The following SH2B1 variants were observed in gnomAD, a reference collection of about 807,000 sequenced individuals.
SH2B1 encodes SH2B adapter protein 1.
SH2B1 carries 15 observed loss-of-function variants against 62.6 expected under a neutral mutation model. The observed-to-expected ratio is 0.24, with a 90% CI of 0.16 to 0.37. SH2B1 has a LOEUF of 0.37. Among genes scored for constraint, SH2B1 ranks in the 10% least tolerant of loss-of-function variants. The probability of loss-of-function intolerance (pLI) is 1.00; values close to 1 mark genes in which losing one functional copy is unlikely to be tolerated. For synonymous variants in SH2B1, 443 were observed against 438.0 expected (o/e 1.01, Z -0.14); for missense variants, 925 against 1,015.6 (o/e 0.91, Z 1.21).
At chr16:28,861,298 A>G (rs1000185540), upstream of SH2B1, among the ~76,000 whole-genome samples, 9 of 152,014 alleles carry the variant, frequency 5.9e-5, no homozygotes. Flanking sequence ...ATGTCCAGCT[A>G]ATTTTTGTAT....
chr16:28,873,997 T>G lies in SH2B1; in HGVS notation c.*177T>G. 2 of 522,730 alleles carry G rather than the reference T, an allele frequency of 3.8e-6. No individual in the cohort carries two copies. Among genetic ancestry groups the G allele is most frequent in the Non-Finnish European group, 3.0e-6 (1 of 336,310 alleles). The allele number at this position is 522,730 out of a possible 1,614,324, so 32.4% of individuals were successfully genotyped here. On this transcript the variant is annotated 3_prime_UTR_variant, in exon 8 of 8. Coordinates refer to ENST00000684370, the MANE Select transcript of SH2B1 (RefSeq NM_001387430.1). This position sits in a 1 kb window ranked among gnomAD's most constrained non-coding sequence, Gnocchi z 4.2. Reference sequence around the variant, plus strand: ...AGAGGCTCCCGTCACACACTACAGGTCCCCTCCCCAGGGCAGGGGATTTGG... The same window carrying G: ...AGAGGCTCCCGTCACACACTACAGGGCCCCTCCCCAGGGCAGGGGATTTGG...
In SH2B1 at chr16:28,871,894, G is replaced by A; in HGVS notation, c.1424G>A (p.Arg475His). ...MELLPPELPP[R>H]IPIEEGPPTG... The stretch of plus-strand genomic sequence containing the variant: ...CTGCTTCCCCCAGAGTTGCCCCCCC[G>A]CATCCCCATTGAAGAGGGACCCCCA... The change falls in exon 5 of 8, where the codon CGC becomes CAC. Residue 475 changes from arginine to histidine, a missense_variant. Coordinates refer to ENST00000684370, the MANE Select transcript of SH2B1 (RefSeq NM_001387430.1). The A allele has an allele frequency of 2.2e-6, 3 of 1,389,086 alleles. No individual in the cohort carries two copies. Among genetic ancestry groups the A allele is most frequent in the East Asian group, 5.1e-5 (2 of 39,552 alleles). 86.0% of individuals were successfully genotyped at this position (1,389,086 alleles called of 1,614,324 possible).
intron 2 of SH2B1, 127 bp from the exon 3 acceptor site, chr16:28,868,879 C>A: frequency 1.3e-6 from 1 of 757,240 alleles, no homozygotes; most frequent in South Asian, 1.6e-5. Flanking sequence ...AGCCTCTGTA[C>A]CCGGCCTCCA....
At chr16:28,851,851 G>A (rs1406360254) in intron 1 of SH2B1, among the ~76,000 whole-genome samples, 2 of 150,010 alleles carry the variant, frequency 1.3e-5, no homozygotes, top group African/African-American at 4.9e-5. Context: ...GGTGGATCAC[G>A]AGGTCAGGAG....
At chr16:28,863,818 GA>G, upstream of SH2B1, 1 of 1,534,920 alleles carries the variant, frequency 6.5e-7, no homozygotes, top group Non-Finnish European at 8.7e-7. Context: ...TCAGCGACGG[GA>G]AAGGGGGTCC....
In SH2B1 at chr16:28,874,003, C is replaced by A. The variant is rs1963195760; in HGVS notation, c.*183C>A. On this transcript the variant is annotated 3_prime_UTR_variant, in exon 8 of 8. Transcript: ENST00000684370. ...TCCCGTCACACACTACAGGTCCCCT[C>A]CCCAGGGCAGGGGATTTGGGCTCCA... 1 of 497,190 alleles carries A rather than the reference C, an allele frequency of 2.0e-6. No individual in the cohort carries two copies. The highest frequency in any genetic ancestry group is 3.2e-6 in the Non-Finnish European group (1 of 314,766). 30.8% of individuals were successfully genotyped at this position (497,190 alleles called of 1,614,324 possible).
At position 28,852,448 on chromosome 16, in the gene SH2B1, TTACATATATATTTATATATA is replaced by T. The variant is rs1567458597; in HGVS notation, c.-301+5642_-301+5661del. Among the ~76,000 whole-genome samples, 20 of 59,702 alleles carry T rather than the reference TTACATATATATTTATATATA, an allele frequency of 3.3e-4. 7 individuals are homozygous for T. The highest frequency in any genetic ancestry group is 0.012 in the Middle Eastern group (1 of 82). The allele number at this position is 59,702 out of a possible 152,430, so 39.2% of individuals were successfully genotyped here. On this transcript the variant is annotated intron_variant, in intron 1 of 10. Transcript: ENST00000322610. ...TTTACATATATATTTATATATATAT[TTACATATATATTTATATATA>T]TACATATATATTTATATATACATAC...
intron 1 of SH2B1, among the ~76,000 whole-genome samples, chr16:28,848,748 T>A (rs1004356606): frequency 2.1e-5 from 3 of 145,728 alleles, no homozygotes; most frequent in Admixed American, 7.0e-5. Context: ...CTCGGCTCAC[T>A]GCAACCTCCA....
At chr16:28,868,976 C>G in intron 2 of SH2B1, 30 bp from the exon 3 acceptor site, 3 of 1,566,396 alleles carry the variant, frequency 1.9e-6, no homozygotes, top group Non-Finnish European at 2.6e-6. Context: ...CTGCCCCTGC[C>G]CCAGCTGAGG....
intron 1 of SH2B1, among the ~76,000 whole-genome samples, chr16:28,852,355 T>TATATATAC (rs1567458334): frequency 8.2e-4 from 15 of 18,336 alleles, no homozygotes; most frequent in African/African-American, 4.0e-3. Context: ...TATATATTTA[T>TATATATAC]ATATATATTT....
In SH2B1 at chr16:28,874,201, G is replaced by T. The variant is rs138442693; in HGVS notation, c.*381G>T. 2.3e-5 allele frequency: 4 copies of T among 172,634 alleles called. No homozygotes were observed. The highest frequency in any genetic ancestry group is 2.4e-5 in the Non-Finnish European group (2 of 82,004). 10.7% of individuals were successfully genotyped at this position (172,634 alleles called of 1,614,324 possible). ...ATAAATAAATAAAAAGGTTTATCTC[G>T]GTTCTATCGTGATGGCTATGGCCAT... On this transcript the variant is annotated 3_prime_UTR_variant, in exon 8 of 8. Transcript: ENST00000684370.
Position 28,868,339 on chromosome 16 carries a change from A to G in SH2B1, c.1042-667A>G, listed in dbSNP as rs1962842987. On this transcript the variant is annotated intron_variant, in intron 2 of 7. Coordinates refer to ENST00000684370, the MANE Select transcript of SH2B1 (RefSeq NM_001387430.1). ...GTATTTTTAGTAGAGACGGGGTTTC[A>G]CCAAGTTAGCTAGGATGGTCTCGAT... is the stretch of plus-strand genomic sequence containing the variant. Among the ~76,000 whole-genome samples, 4 of 147,340 alleles carry G rather than the reference A, an allele frequency of 2.7e-5. No homozygotes were observed. The South Asian group carries it at 8.5e-4, about 31-fold the overall frequency.
intron 2 of SH2B1, 44 bp downstream of exon 2, chr16:28,867,476 G>A (rs1221470217): frequency 6.9e-7 from 1 of 1,452,238 alleles, no homozygotes; most frequent in Non-Finnish European, 9.7e-7. Context: ...TTGTGTTAAG[G>A]AGAAAGCCCT....
At chr16:28,849,855 G>A (rs1417385885) in intron 1 of SH2B1, among the ~76,000 whole-genome samples, 2 of 152,050 alleles carry the variant, frequency 1.3e-5, no homozygotes, top group Admixed American at 6.6e-5. Flanking sequence ...CCCAGGAGGC[G>A]GAGGTTGCAG....
chr16:28,867,949 C>G (rs543820541), intron 2 of SH2B1, among the ~76,000 whole-genome samples: 3 of 152,160 alleles, frequency 2.0e-5, no homozygotes, highest in South Asian at 2.1e-4. Context: ...GTGCCTCAGC[C>G]TCCTGAGTAG....
Position 28,866,928 on chromosome 16 carries a change from T to G in SH2B1, c.834T>G (p.Pro278=). Residue 278 remains proline, a synonymous_variant, in exon 1 of 8, where the codon CCT becomes CCG. Transcript: ENST00000684370. This position sits in a 1 kb window ranked among gnomAD's most constrained non-coding sequence, Gnocchi z 6.3. ...VGRGGGVAGP[P]SGGGGQPQWQ... ...GGGGAGGAGGGGTGGCTGGGCCTCCTTCAGGGGGAGGAGGGCAGCCTCAGT... is the reference window on the plus strand; with the variant it reads ...GGGGAGGAGGGGTGGCTGGGCCTCCGTCAGGGGGAGGAGGGCAGCCTCAGT... 1 of 1,611,018 alleles carries G rather than the reference T, an allele frequency of 6.2e-7. No homozygotes were observed. The highest frequency in any genetic ancestry group is 8.5e-7 in the Non-Finnish European group (1 of 1,179,876).
intron 4 of SH2B1, among the ~76,000 whole-genome samples, chr16:28,871,317 C>A (rs1016059928): frequency 4.6e-5 from 7 of 152,242 alleles, no homozygotes; most frequent in Non-Finnish European, 1.0e-4. Context: ...TGCGCCTGGC[C>A]CAGGACTCCT....
At chr16:28,870,425 C>T (rs573832918) in intron 4 of SH2B1, among the ~76,000 whole-genome samples, 5 of 152,128 alleles carry the variant, frequency 3.3e-5, no homozygotes, top group Admixed American at 3.3e-4. Flanking sequence ...GAGGACATGC[C>T]TGGGGACGTG....
rs200910355 is a variant in SH2B1 at position 28,857,974 on chromosome 16, C to T, written c.-300-3644C>T. The stretch of plus-strand genomic sequence containing the variant: ...CAGGATGGTCTCGATCTCCTGACCT[C>T]GTGATCCGCCCACCTCAGCCTCCCA... On this transcript the variant is annotated intron_variant, in intron 1 of 10. Coordinates refer to the SH2B1 transcript ENST00000322610. 8.1e-4 allele frequency among the ~76,000 whole-genome samples: 123 copies of T among 152,058 alleles called. No individual in the cohort carries two copies. In the East Asian group the frequency reaches 0.019, roughly 24 times the overall value.
Sources: allele counts gnomAD v4.1 joint callset (sites outside exome capture counted in the v4.1 genomes callset), GRCh38; gene constraint gnomAD v4.1.1; non-coding constraint Gnocchi (gnomAD v3.1); transcripts MANE v1.5; gene names NCBI Gene and HGNC (gene_info 2026-07-23, HGNC 2026-07-21).